Variants in GAB2 observed in about 807,000 individuals in gnomAD.
The protein encoded by GAB2 is GRB2 associated binding protein 2, also known as GRB2-associated-binding protein 2.
GAB2 carries 26 observed loss-of-function variants against 65.5 expected under a neutral mutation model. The observed-to-expected ratio is 0.40, with a 90% CI of 0.29 to 0.55. The LOEUF is 0.55. Ranked by LOEUF, GAB2 falls within the 20% of genes least tolerant of loss-of-function variation. The probability of loss-of-function intolerance (pLI) is 0.53; values close to 1 mark genes in which losing one functional copy is unlikely to be tolerated. For missense variants in GAB2, 884 were observed against 875.8 expected (o/e 1.01, Z -0.12); for synonymous variants, 321 against 329.6 (o/e 0.97, Z 0.28).
chr11:78,351,105 T>C (rs891841019), intron 1 of GAB2, among the ~76,000 whole-genome samples: 4 of 152,148 alleles, frequency 2.6e-5, no homozygotes, highest in Non-Finnish European at 5.9e-5. Flanking sequence ...CTCAAAACCA[T>C]GCAGAGAACA....
intron 1 of GAB2, among the ~76,000 whole-genome samples, chr11:78,383,711 T>A (rs1202343995): frequency 1.3e-5 from 2 of 151,560 alleles, no homozygotes; most frequent in Non-Finnish European, 2.9e-5. Context: ...TAAGCTGAGA[T>A]CATGCCCCTG....
At chr11:78,391,117 C>T (rs1314231839) in intron 1 of GAB2, among the ~76,000 whole-genome samples, 1 of 152,044 alleles carries the variant, frequency 6.6e-6, no homozygotes, top group African/African-American at 2.4e-5. Flanking sequence ...CAAAATAGTG[C>T]AACACCATCT....
intron 1 of GAB2, among the ~76,000 whole-genome samples, chr11:78,285,287 C>A (rs1357816152): frequency 2.6e-5 from 4 of 152,190 alleles, no homozygotes; most frequent in African/African-American, 9.6e-5. Flanking sequence ...CCCTCATGAA[C>A]AAGAAAACCA....
intron 3 of GAB2, among the ~76,000 whole-genome samples, chr11:78,233,040 G>GCTTTTTTTTTTTTTTTT (rs1864887980): frequency 7.6e-6 from 1 of 132,006 alleles, no homozygotes; most frequent in African/African-American, 3.0e-5. Flanking sequence ...GCACTGTTAA[G>GCTTTTTTTTTTTTTTTT]TTTTTTTTTT....
At chr11:78,401,525 T>TG (rs1258344656) in intron 1 of GAB2, among the ~76,000 whole-genome samples, 2 of 151,190 alleles carry the variant, frequency 1.3e-5, no homozygotes, top group Non-Finnish European at 2.9e-5. Flanking sequence ...TGTGTGTGTG[T>TG]GTGTGTGTGT....
chr11:78,374,888 T>G (rs765419044), intron 1 of GAB2, among the ~76,000 whole-genome samples: 1 of 152,182 alleles, frequency 6.6e-6, no homozygotes, highest in Non-Finnish European at 1.5e-5. Flanking sequence ...AGAATGCAGT[T>G]GCTAAATTGG....
intron 3 of GAB2, among the ~76,000 whole-genome samples, chr11:78,236,291 T>C (rs535861478): frequency 6.6e-6 from 1 of 152,362 alleles, no homozygotes; most frequent in Admixed American, 6.5e-5. Flanking sequence ...CTTTTTATCT[T>C]GTGACCTTGC....
intron 2 of GAB2, among the ~76,000 whole-genome samples, chr11:78,260,274 T>C (rs1228605613): frequency 6.6e-6 from 1 of 152,168 alleles, no homozygotes; most frequent in Non-Finnish European, 1.5e-5. Context: ...CTGACCTTGA[T>C]GCATACGATC....
intron 1 of GAB2, among the ~76,000 whole-genome samples, chr11:78,293,448 A>G (rs1431034661): frequency 6.6e-6 from 1 of 152,138 alleles, no homozygotes; most frequent in Non-Finnish European, 1.5e-5. Context: ...GTTTTGGGGG[A>G]AAAAAACCTC....
In GAB2 at chr11:78,417,633, C is replaced by A; in HGVS notation, c.75+13G>T. 1 of 1,346,308 alleles carries A rather than the reference C, an allele frequency of 7.4e-7. No individual in the cohort carries two copies. The highest frequency in any genetic ancestry group is 2.4e-5 in the Admixed American group (1 of 42,178). 83.4% of individuals were successfully genotyped at this position (1,346,308 alleles called of 1,614,324 possible). On this transcript the variant is annotated intron_variant, in intron 1 of 9. Coordinates refer to ENST00000361507, the MANE Select transcript of GAB2 (RefSeq NM_080491.3). ...CCCCCCGCCCGCCCCTGGGCGGCCG[C>A]GCCCGCACTCACATAGCGCCTCAAC...
chr11:78,387,535 C>T lies in GAB2; in HGVS notation c.75+30111G>A, dbSNP rs879833215. Among the ~76,000 whole-genome samples, 4 of 152,096 alleles carry T rather than the reference C, an allele frequency of 2.6e-5. No individual in the cohort carries two copies. The East Asian group carries it at 7.7e-4, about 29-fold the overall frequency. On this transcript the variant is annotated intron_variant, in intron 1 of 9. Coordinates refer to ENST00000361507, the MANE Select transcript of GAB2 (RefSeq NM_080491.3). Reference sequence around the variant, plus strand: ...GGGTTGAGAAACAAATTTGTTAACACGATAGAAAAGGATGTGTAGAACTGC... The same window carrying T: ...GGGTTGAGAAACAAATTTGTTAACATGATAGAAAAGGATGTGTAGAACTGC...
intron 3 of GAB2, among the ~76,000 whole-genome samples, chr11:78,249,849 T>G (rs901420819): frequency 2.8e-4 from 23 of 82,634 alleles, no homozygotes; most frequent in African/African-American, 1.8e-3. Flanking sequence ...AAATTGACTG[T>G]TTTTTTTTGC....
chr11:78,388,553 C>A (rs561875019), intron 1 of GAB2, among the ~76,000 whole-genome samples: 4 of 152,006 alleles, frequency 2.6e-5, no homozygotes, highest in African/African-American at 9.7e-5. Flanking sequence ...ATCTCGAACT[C>A]GTGGGCTCAA....
At chr11:78,417,169 G>A (rs996157139) in intron 1 of GAB2, among the ~76,000 whole-genome samples, 5 of 152,176 alleles carry the variant, frequency 3.3e-5, no homozygotes, top group African/African-American at 4.8e-5. Flanking sequence ...GGGAGGGGCA[G>A]GCGGAGAAAG....
At chr11:78,223,332 G>T (rs947538502) in intron 6 of GAB2, 80 bp downstream of exon 6, 1 of 1,216,144 alleles carries the variant, frequency 8.2e-7, no homozygotes, top group Non-Finnish European at 1.1e-6. Context: ...CTCAAGTCCA[G>T]GATCCACATG....
intron 1 of GAB2, among the ~76,000 whole-genome samples, chr11:78,301,086 G>C (rs1168845140): frequency 6.6e-6 from 1 of 151,992 alleles, no homozygotes; most frequent in Non-Finnish European, 1.5e-5. Flanking sequence ...TTTTGTGATA[G>C]GTCTGTTCAA....
intron 1 of GAB2, among the ~76,000 whole-genome samples, chr11:78,394,163 C>T (rs773682550): frequency 1.1e-4 from 17 of 152,232 alleles, no homozygotes; most frequent in Non-Finnish European, 5.9e-5. Flanking sequence ...TGGCACGCAT[C>T]TCTAGTCCCA....
In GAB2 at chr11:78,223,516, G is replaced by A; in HGVS notation, c.1463C>T (p.Ser488Leu). The A allele has an allele frequency of 6.2e-7, 1 of 1,612,876 alleles. No homozygotes were observed. The highest frequency in any genetic ancestry group is 8.5e-7 in the Non-Finnish European group (1 of 1,179,432). The change falls in exon 6 of 10, where the codon TCA (serine) becomes TTA (leucine). Residue 488 changes from serine (S) to leucine (L), a missense_variant. Physicochemically the swap from Ser to Leu is moderately radical, Grantham distance 145. Coordinates refer to ENST00000361507, the MANE Select transcript of GAB2 (RefSeq NM_080491.3). ...PMSPGAHHFD[S>L]LGYPSTTLPV... ...AAGGGTTGTTGATGGGTAGCCAAGT[G>A]AGTCAAAGTGATGGGCCCCTGGGCT... is the stretch of plus-strand genomic sequence containing the variant.
rs143246069 is a variant in GAB2 at position 78,238,240 on chromosome 11, A to G, written c.621-11189T>C. ...AAAAAAAAAAAAGAAAATGTGGCAG[A>G]AAAAGATTTGAAGAGGCCAGGTGTG... On this transcript the variant is annotated intron_variant, in intron 3 of 9. Coordinates refer to ENST00000361507, the MANE Select transcript of GAB2 (RefSeq NM_080491.3). Among the ~76,000 whole-genome samples, 522 of 151,994 alleles carry G rather than the reference A, an allele frequency of 3.4e-3. 3 individuals carry two copies. The highest frequency in any genetic ancestry group is 0.012 in the African/African-American group (496 of 41,408).
Sources: allele counts gnomAD v4.1 joint callset (sites outside exome capture counted in the v4.1 genomes callset), GRCh38; gene constraint gnomAD v4.1.1; transcripts MANE v1.5; gene names NCBI Gene and HGNC (gene_info 2026-07-23, HGNC 2026-07-21).